The following F5 variants were observed in gnomAD, a reference collection of about 807,000 sequenced individuals.
F5 encodes the protein coagulation factor V.
Under a neutral mutation model 216.4 loss-of-function variants are expected in F5, and 138 were observed. The ratio of observed to expected loss-of-function variants is 0.64; its 90% CI spans 0.56 to 0.73. F5 has a LOEUF of 0.73. Among genes scored for constraint, F5 ranks in the 30% least tolerant of loss-of-function variants. F5 has a pLI of 0.00. For synonymous variants in F5, 916 were observed against 930.7 expected (o/e 0.98, Z 0.29); for missense variants, 2,403 against 2,674.0 (o/e 0.90, Z 2.24).
At position 169,549,943 on chromosome 1, in the gene F5, A is replaced by G; in HGVS notation, c.1469T>C (p.Phe490Ser). ...TYTYKWNILE[F>S]DEPTENDAQC... The stretch of plus-strand genomic sequence containing the variant: ...GGCATCATTTTCTGTGGGTTCATCA[A>G]ACTCTAAGATGTTCCACTTATAAGT... Residue 490 changes from phenylalanine to serine, a missense_variant, in exon 10 of 25, where the codon TTT becomes TCT. By Grantham distance (155) the Phe-to-Ser change is radical (BLOSUM62 -2). Coordinates refer to ENST00000367797, the MANE Select transcript of F5 (RefSeq NM_000130.5). 1 of 1,614,154 alleles carries G rather than the reference A, an allele frequency of 6.2e-7. No homozygotes were observed. The highest frequency in any genetic ancestry group is 8.5e-7 in the Non-Finnish European group (1 of 1,180,016).
At chr1:169,523,065 C>T in intron 21 of F5, 132 bp downstream of exon 21, 2 of 951,936 alleles carry the variant, frequency 2.1e-6, no homozygotes, top group South Asian at 1.4e-5. Flanking sequence ...CTCCATATGA[C>T]CCTTAGAAAG....
intron 3 of F5, among the ~76,000 whole-genome samples, chr1:169,561,083 C>T (rs2101833344): frequency 6.6e-6 from 1 of 152,144 alleles, no homozygotes; most frequent in African/African-American, 2.4e-5. Context: ...ATTAGTAAAC[C>T]ATCTCAGAAT....
At chr1:169,559,473 A>C (rs1284338574) in intron 4 of F5, among the ~76,000 whole-genome samples, 177 bp from the exon 5 acceptor site, 1 of 152,162 alleles carries the variant, frequency 6.6e-6, no homozygotes, top group Non-Finnish European at 1.5e-5. Flanking sequence ...GTTATTTAAA[A>C]TCTGGTGCCA....
chr1:169,529,301 A>G (rs1659534873), intron 16 of F5, among the ~76,000 whole-genome samples: 1 of 152,178 alleles, frequency 6.6e-6, no homozygotes, highest in South Asian at 2.1e-4. Flanking sequence ...TTGCAGAACA[A>G]TGTTAATTCC....
At chr1:169,514,497 T>C in intron 24 of F5, 38 bp from the exon 25 acceptor site, 3 of 1,590,382 alleles carry the variant, frequency 1.9e-6, no homozygotes, top group Non-Finnish European at 1.7e-6. Context: ...AATGACAACA[T>C]AAATGGCTAA....
At chr1:169,577,722 G>A (rs1356369034) in intron 2 of F5, among the ~76,000 whole-genome samples, 2 of 150,756 alleles carry the variant, frequency 1.3e-5, no homozygotes, top group Non-Finnish European at 3.0e-5. Context: ...TTACAGTCAT[G>A]AGCCACTATG....
intron 21 of F5, among the ~76,000 whole-genome samples, chr1:169,521,027 C>T (rs142750999): frequency 3.3e-5 from 5 of 152,070 alleles, no homozygotes; most frequent in South Asian, 4.2e-4. Context: ...ATGAAGAAGC[C>T]GGCAACCTGG....
chr1:169,582,283 C>A (rs1328641715), intron 2 of F5, 148 bp downstream of exon 2: 1 of 504,244 alleles, frequency 2.0e-6, no homozygotes, highest in East Asian at 3.3e-5. Context: ...TTGCACTGGG[C>A]CCCACATATT....
chr1:169,551,250 A>G (rs556886135), intron 8 of F5, among the ~76,000 whole-genome samples: 1 of 152,284 alleles, frequency 6.6e-6, no homozygotes, highest in East Asian at 1.9e-4. Context: ...GGAGTTCAAG[A>G]CCAGCCTGGG....
intron 14 of F5, among the ~76,000 whole-genome samples, chr1:169,531,565 T>C (rs1455700023): frequency 6.6e-6 from 1 of 151,504 alleles, no homozygotes; most frequent in Non-Finnish European, 1.5e-5. Context: ...CATTTCAGAC[T>C]CTCAGAAGGG....
chr1:169,541,348 T>C lies in F5; in HGVS notation c.3742A>G (p.Thr1248Ala). Residue 1248 changes from threonine to alanine, a missense_variant, in exon 13 of 25, where the codon ACC becomes GCC. Physicochemically the swap from Thr to Ala is moderately conservative, Grantham distance 58 (BLOSUM62 0). Coordinates refer to ENST00000367797, the MANE Select transcript of F5 (RefSeq NM_000130.5). ...TTLSPDLSHTTLSLDLSQTNL... is the reference protein window; with the variant it reads ...TTLSPDLSHTALSLDLSQTNL... ...GTCTGGCTGAGGTCTAAAGAAAGGG[T>C]TGTATGGCTGAGGTCTGGAGAAAGG... is the stretch of plus-strand genomic sequence containing the variant. The C allele has an allele frequency of 6.2e-7, 1 of 1,609,190 alleles. No individual in the cohort carries two copies. The highest frequency in any genetic ancestry group is 8.5e-7 in the Non-Finnish European group (1 of 1,178,272).
chr1:169,520,441 A>G (rs1192479145), intron 22 of F5, 79 bp downstream of exon 22: 1 of 1,575,752 alleles, frequency 6.3e-7, no homozygotes, highest in African/African-American at 1.3e-5. Context: ...AGAACTAAAA[A>G]TTCTACTCAT....
chr1:169,569,482 A>G (rs1052307547), intron 3 of F5, among the ~76,000 whole-genome samples: 1 of 152,110 alleles, frequency 6.6e-6, no homozygotes, highest in African/African-American at 2.4e-5. Flanking sequence ...GACCAAAACG[A>G]CTTTGAAAAT....
At chr1:169,558,870 G>A (rs186440565) in intron 5 of F5, among the ~76,000 whole-genome samples, 9 of 152,238 alleles carry the variant, frequency 5.9e-5, no homozygotes, top group Non-Finnish European at 7.4e-5. Flanking sequence ...TGCAGAACTC[G>A]GAGAGAGTGG....
intron 10 of F5, among the ~76,000 whole-genome samples, chr1:169,547,192 A>C (rs769159149): frequency 6.6e-6 from 1 of 152,058 alleles, no homozygotes; most frequent in Non-Finnish European, 1.5e-5. Context: ...AACAAACAAA[A>C]AACAACAACA....
At chr1:169,514,508 G>C (rs751725894) in intron 24 of F5, 49 bp from the exon 25 acceptor site, 3 of 1,573,198 alleles carry the variant, frequency 1.9e-6, no homozygotes, top group Non-Finnish European at 2.6e-6. Context: ...AAATGGCTAA[G>C]GTTTTTTGTT....
Position 169,586,196 on chromosome 1 carries a change from G to A in F5, c.158+33C>T, listed in dbSNP as rs752032442. 1.9e-6 allele frequency: 3 copies of A among 1,613,098 alleles called. No individual in the cohort carries two copies. The Admixed American group carries it at 5.0e-5, about 27-fold the overall frequency. On this transcript the variant is annotated intron_variant, in intron 1 of 24. Transcript: ENST00000367797. ...TAAAAGAAATAGATTTTCCTCTCTA[G>A]AGAAGCCCACCCGGACTCCACACCT...
In F5 at chr1:169,560,539, T is replaced by C. The variant is rs371566654; in HGVS notation, c.586+15A>G. ...AACATTTAGTTGTTGAATCTTTTGG[T>C]GGGGGTGTTCTTACCTTTTTTACAG... On this transcript the variant is annotated intron_variant, in intron 4 of 24. Coordinates refer to ENST00000367797, the MANE Select transcript of F5 (RefSeq NM_000130.5). 45 of 1,611,634 alleles carry C rather than the reference T, an allele frequency of 2.8e-5. No individual in the cohort carries two copies. The African/African-American group carries it at 5.3e-4, about 19-fold the overall frequency.
chr1:169,582,029 T>G (rs1660998225), intron 2 of F5, among the ~76,000 whole-genome samples: 1 of 152,220 alleles, frequency 6.6e-6, no homozygotes, highest in African/African-American at 2.4e-5. Context: ...CAATGCCTAT[T>G]TCAATGCCCA....
Sources: gnomAD v4.1 joint callset for allele counts (sites outside exome capture counted in the v4.1 genomes callset) on GRCh38, gnomAD v4.1.1 for gene constraint, MANE v1.5 for transcripts, NCBI Gene and HGNC (gene_info 2026-07-23, HGNC 2026-07-21) for gene names.